The following MCCC1 variants were observed in gnomAD, a reference collection of about 807,000 sequenced individuals.
MCCC1 encodes methylcrotonyl-CoA carboxylase subunit 1, also known as methylcrotonoyl-CoA carboxylase subunit alpha, mitochondrial.
In MCCC1, 64 loss-of-function variants were observed where a neutral mutation model predicts 83.8. The ratio of observed to expected loss-of-function variants is 0.76; its 90% confidence interval spans 0.62 to 0.94. The LOEUF (loss-of-function observed/expected upper bound fraction) is 0.94. Ranked by LOEUF, MCCC1 falls within the 40% of genes least tolerant of loss-of-function variation. The probability of loss-of-function intolerance (pLI) is 0.00; values close to 1 mark genes in which losing one functional copy is unlikely to be tolerated. For synonymous variants in MCCC1, 322 were observed against 315.4 expected, an observed-to-expected ratio of 1.02 and a Z score of -0.22; for missense variants, 807 against 904.7, an observed-to-expected ratio of 0.89 and a Z score of 1.39.
At chr3:183,099,587 T>C (rs550745846), upstream of MCCC1, 166 of 901,584 alleles carry the variant, frequency 1.8e-4, 1 homozygote, top group African/African-American at 2.7e-3. Flanking sequence ...TCCAAGAATG[T>C]GAGGGCGTCT....
intron 8 of MCCC1, among the ~76,000 whole-genome samples, chr3:183,052,758 C>T (rs1271617931): frequency 7.1e-6 from 1 of 140,506 alleles, no homozygotes; most frequent in Non-Finnish European, 1.5e-5. Flanking sequence ...TGCAGTGAGC[C>T]GAGATCACGC....
intron 3 of MCCC1, among the ~76,000 whole-genome samples, chr3:183,092,035 G>A (rs1718393492): frequency 6.6e-6 from 1 of 151,316 alleles, no homozygotes; most frequent in African/African-American, 2.4e-5. Flanking sequence ...CTGGGCAACA[G>A]AGCGAGACTC....
At chr3:183,035,393 G>C (rs1345331451) in intron 13 of MCCC1, among the ~76,000 whole-genome samples, 1 of 152,014 alleles carries the variant, frequency 6.6e-6, no homozygotes, top group Non-Finnish European at 1.5e-5. Context: ...TATCTTGAAT[G>C]AATCTAAATG....
intron 1 of MCCC1, among the ~76,000 whole-genome samples, chr3:183,110,128 A>G (rs915458337): frequency 2.0e-5 from 3 of 152,102 alleles, no homozygotes; most frequent in Admixed American, 6.5e-5. Context: ...TAAGTTCCCT[A>G]TAGATTCTGG....
At chr3:183,113,222 CAA>C (rs35441023) in intron 1 of MCCC1, among the ~76,000 whole-genome samples, 1,651 of 105,050 alleles carry the variant, frequency 0.016, 22 homozygotes, top group African/African-American at 0.055. Context: ...GACTCCATCT[CAA>C]AAAAAAAAAA....
In MCCC1 at chr3:183,092,485, C is replaced by T. The variant is rs569042803; in HGVS notation, c.197G>A (p.Arg66His). ...NRGEIACRVM[R>H]TAKKLGVQTV... ...CTGTACACCCAGTTTTTTGGCTGTG[C>T]GCATCACCCTGCAGGCAATTTCTCC... is the stretch of plus-strand genomic sequence containing the variant. The change falls in exon 3 of 19, where the codon CGC (arginine) becomes CAC (histidine). Residue 66 changes from arginine to histidine, a missense_variant. Arg to His is a conservative substitution (Grantham distance 29). Transcript: ENST00000265594. 6.8e-6 allele frequency: 11 copies of T among 1,614,156 alleles called. No individual in the cohort carries two copies. Among genetic ancestry groups the T allele is most frequent in the African/African-American group, 1.3e-5 (1 of 75,058 alleles).
Position 183,015,540 on chromosome 3 carries a change from G to A in MCCC1, c.2076C>T (p.Gly692=), listed in dbSNP as rs766693401. 1 of 1,614,076 alleles carries A rather than the reference G, an allele frequency of 6.2e-7. No homozygotes were observed. Among genetic ancestry groups the A allele is most frequent in the Admixed American group, 1.7e-5 (1 of 60,014 alleles). Residue 692 remains glycine (G), a synonymous_variant, in exon 19 of 19, where the codon GGC becomes GGT. Transcript: ENST00000265594. ...MEHTIKSPKD[G]TVKKVFYREG... is the part of the protein sequence containing the mutation. The stretch of plus-strand genomic sequence containing the variant: ...CTCTGTAGAACACTTTCTTTACTGT[G>A]CCATCCTTTGGAGACTTTATGGTAT...
Position 183,099,464 on chromosome 3 carries a change from T to A in MCCC1, c.-24A>T, listed in dbSNP as rs11540930. 9 of 1,592,812 alleles carry A rather than the reference T, an allele frequency of 5.7e-6. No individual in the cohort carries two copies. The Admixed American group carries it at 1.6e-4, about 28-fold the overall frequency. On this transcript the variant is annotated 5_prime_UTR_variant, in exon 1 of 19. Coordinates refer to ENST00000265594, the MANE Select transcript of MCCC1 (RefSeq NM_020166.5). ...ATGTCCCTGGAGCCCGGCCACTCCG[T>A]GACTCCCCAGTACAGAGGCAGCTGC...
chr3:183,106,749 A>G (rs1013073789), intron 1 of MCCC1, among the ~76,000 whole-genome samples: 5 of 152,094 alleles, frequency 3.3e-5, no homozygotes, highest in African/African-American at 1.2e-4. Context: ...CACCCACCTT[A>G]GCCTCCCAAA....
At chr3:183,022,651 CAT>C in intron 15 of MCCC1, 97 bp from the exon 16 acceptor site, 1 of 1,100,062 alleles carries the variant, frequency 9.1e-7, no homozygotes, top group Non-Finnish European at 1.3e-6. Flanking sequence ...AGTTTTAAAA[CAT>C]AAAATGTGTC....
At chr3:183,102,517 A>G (rs1223481901), upstream of MCCC1, among the ~76,000 whole-genome samples, 1 of 152,062 alleles carries the variant, frequency 6.6e-6, no homozygotes, top group South Asian at 2.1e-4. Flanking sequence ...AAAGAGAAAA[A>G]CTTATATTCA....
chr3:183,054,346 C>A (rs889819014), intron 8 of MCCC1, among the ~76,000 whole-genome samples: 3 of 151,910 alleles, frequency 2.0e-5, no homozygotes, highest in African/African-American at 4.8e-5. Flanking sequence ...CCACCATGCC[C>A]GGCTATTTTT....
chr3:183,102,172 T>G (rs897778642), upstream of MCCC1, among the ~76,000 whole-genome samples: 3 of 152,088 alleles, frequency 2.0e-5, no homozygotes, highest in Non-Finnish European at 4.4e-5. Flanking sequence ...GAGACCAGCC[T>G]GGGCAATATA....
At chr3:183,104,010 C>G (rs953127441), upstream of MCCC1, among the ~76,000 whole-genome samples, 8 of 152,168 alleles carry the variant, frequency 5.3e-5, no homozygotes, top group African/African-American at 1.9e-4. Context: ...CTCATTGCCC[C>G]GGGCCGGCAG....
intron 4 of MCCC1, among the ~76,000 whole-genome samples, chr3:183,083,325 C>T (rs1287295769): frequency 1.3e-5 from 2 of 152,140 alleles, no homozygotes; most frequent in Non-Finnish European, 2.9e-5. Flanking sequence ...CCTTTCTGAT[C>T]AGGTCTGCCC....
chr3:183,114,908 A>G (rs1193387362), intron 1 of MCCC1, among the ~76,000 whole-genome samples: 4 of 152,102 alleles, frequency 2.6e-5, no homozygotes, highest in Non-Finnish European at 5.9e-5. Context: ...AACCACATCC[A>G]CAGTCCTGCA....
Position 183,085,189 on chromosome 3 carries a change from TTTAA to T in MCCC1, c.369+1500_369+1503del, listed in dbSNP as rs796312000. On this transcript the variant is annotated intron_variant, in intron 4 of 18. Coordinates refer to ENST00000265594, the MANE Select transcript of MCCC1 (RefSeq NM_020166.5). ...ATGGGCAACACTACGGCAATTTACT[TTTAA>T]TTGTTTTGCCTTCTTTCAATGTTGT... Among the ~76,000 whole-genome samples the T allele has an allele frequency of 4.6e-4, 70 of 152,190 alleles. 1 individual carries two copies. The highest frequency in any genetic ancestry group is 1.7e-3 in the African/African-American group (70 of 41,538).
upstream of MCCC1, among the ~76,000 whole-genome samples, chr3:183,101,435 T>A (rs1185373412): frequency 6.6e-6 from 1 of 152,074 alleles, no homozygotes; most frequent in East Asian, 1.9e-4. Flanking sequence ...CAGCACCCTG[T>A]GTTTAGCTCA....
intron 16 of MCCC1, 29 bp from the exon 17 acceptor site, chr3:183,020,266 A>C (rs1443473860): frequency 6.6e-7 from 1 of 1,507,828 alleles, no homozygotes; most frequent in Non-Finnish European, 9.2e-7. Context: ...CTGAAAACCG[A>C]ATCAACATCC....
Sources: allele counts gnomAD v4.1 joint callset (sites outside exome capture counted in the v4.1 genomes callset), GRCh38; gene constraint gnomAD v4.1.1; transcripts MANE v1.5; gene names NCBI Gene and HGNC (gene_info 2026-07-23, HGNC 2026-07-21).